RCC1: variants seen among roughly 807,000 people sequenced by gnomAD.
RCC1 encodes regulator of chromosome condensation 1, also known as regulator of chromosome condensation.
In RCC1, 11 loss-of-function variants were observed where a neutral mutation model predicts 44.4. The ratio of observed to expected loss-of-function variants is 0.25; its 90% CI spans 0.16 to 0.41. The LOEUF is 0.41. Ranked by LOEUF, RCC1 falls within the 10% of genes least tolerant of loss-of-function variation. RCC1 has a pLI of 1.00. For missense variants in RCC1, 386 were observed against 547.1 expected, an observed-to-expected ratio of 0.71 and a Z score of 2.94; for synonymous variants, 213 against 216.5, an observed-to-expected ratio of 0.98 and a Z score of 0.14.
At chr1:28,523,248 T>C (rs938875552) in intron 4 of RCC1, among the ~76,000 whole-genome samples, 1 of 151,986 alleles carries the variant, frequency 6.6e-6, no homozygotes, top group Non-Finnish European at 1.5e-5. Context: ...CTCGATCTCC[T>C]GACCTCATGA....
Position 28,524,562 on chromosome 1 carries a change from AAAAT to A in RCC1, c.-9-5292_-9-5289del, listed in dbSNP as rs1663521670. The stretch of plus-strand genomic sequence containing the variant: ...ACAGAGTGAGACCCCCTCTCTTAAA[AAAAT>A]AAAATAAAAGGCCAGGCATGGTGGC... On this transcript the variant is annotated intron_variant, in intron 4 of 12. Transcript: ENST00000683442. 3.3e-5 allele frequency among the ~76,000 whole-genome samples: 5 copies of A among 151,966 alleles called. No homozygotes were observed. The South Asian group carries it at 1.1e-3, about 33-fold the overall frequency.
At chr1:28,511,445 G>A (rs1357164233) in intron 3 of RCC1, among the ~76,000 whole-genome samples, 3 of 149,946 alleles carry the variant, frequency 2.0e-5, no homozygotes, top group Non-Finnish European at 4.4e-5. Flanking sequence ...CTGTCGCCCA[G>A]GCTGGAGTGC....
Position 28,536,188 on chromosome 1 carries a change from T to C in RCC1, c.818-74T>C. ...GTCCATATCCTGATGGGAGGTGGCC[T>C]CACTGTGGGAGGAGATTGAGAAGGG... is the stretch of plus-strand genomic sequence containing the variant. On this transcript the variant is annotated intron_variant, in intron 10 of 12. Coordinates refer to ENST00000683442, the MANE Select transcript of RCC1 (RefSeq NM_001381865.2). This position sits in a 1 kb window ranked among gnomAD's most constrained non-coding sequence, Gnocchi z 4.9. 3.8e-6 allele frequency: 6 copies of C among 1,581,372 alleles called. No individual in the cohort carries two copies. Among genetic ancestry groups the C allele is most frequent in the Non-Finnish European group, 5.2e-6 (6 of 1,163,868 alleles).
intron 3 of RCC1, among the ~76,000 whole-genome samples, 152 bp from the exon 4 acceptor site, chr1:28,516,573 C>T (rs1662909353): frequency 6.6e-6 from 1 of 151,898 alleles, no homozygotes; most frequent in Non-Finnish European, 1.5e-5. Context: ...CTTGCTTTAC[C>T]TCTTTAAACT....
chr1:28,536,916 A>C lies in RCC1; in HGVS notation c.1090+17A>C. 6.2e-7 allele frequency: 1 copy of C among 1,612,656 alleles called. No homozygotes were observed. The highest frequency in any genetic ancestry group is 8.5e-7 in the Non-Finnish European group (1 of 1,179,702). On this transcript the variant is annotated intron_variant, in intron 12 of 12. Coordinates refer to ENST00000683442, the MANE Select transcript of RCC1 (RefSeq NM_001381865.2). This position sits in a 1 kb window ranked among gnomAD's most constrained non-coding sequence, Gnocchi z 4.9. ...CCAAGGATGGTGAGTGGGGCTGCCT[A>C]CACTCTGTCTAGTTGGGACCTGGGG...
Position 28,536,770 on chromosome 1 carries a change from G to C in RCC1, c.961G>C (p.Ala321Pro), listed in dbSNP as rs940419922. The change falls in exon 12 of 13, where the codon GCT (alanine) becomes CCT (proline). Residue 321 changes from alanine (A) to proline (P), a missense_variant. Physicochemically the swap from Ala to Pro is conservative, Grantham distance 27. Coordinates refer to ENST00000683442, the MANE Select transcript of RCC1 (RefSeq NM_001381865.2). The surrounding 1 kb of genome is among the most constrained non-coding windows in gnomAD (Gnocchi z 4.9). ...AGGAAAAGCATACAGCCTGGGCCGGGCTGAGTATGGGCGGCTGGGCCTTGG... is the reference window on the plus strand; with the variant it reads ...AGGAAAAGCATACAGCCTGGGCCGGCCTGAGTATGGGCGGCTGGGCCTTGG... ...SEGKAYSLGRAEYGRLGLGEG... is the reference protein window; with the variant it reads ...SEGKAYSLGRPEYGRLGLGEG... 2 of 1,614,018 alleles carry C rather than the reference G, an allele frequency of 1.2e-6. No homozygotes were observed. Among genetic ancestry groups the C allele is most frequent in the Non-Finnish European group, 1.7e-6 (2 of 1,180,038 alleles).
rs554303773 is a variant in RCC1, at chr1:28,537,563, G to A, written c.1091-269G>A. 1.1e-4 allele frequency among the ~76,000 whole-genome samples: 17 copies of A among 152,340 alleles called. No homozygotes were observed. The South Asian group carries it at 2.7e-3, about 24-fold the overall frequency. On this transcript the variant is annotated intron_variant, in intron 12 of 12. Transcript: ENST00000683442. ...GCAGTCTCAAAGGTGGCTGGTCCTG[G>A]GAACAGAGGGTGGGGTAGGACCTTG...
chr1:28,531,875 G>A lies in RCC1; in HGVS notation c.146G>A (p.Gly49Glu), dbSNP rs1191394720. ...TLGQGDVGQL[G>E]LGENVMERKK... ...GGCCAGGGCGACGTGGGCCAGCTGGGGCTGGGTGAGAATGTGATGGAGAGG... is the reference window on the plus strand; with the variant it reads ...GGCCAGGGCGACGTGGGCCAGCTGGAGCTGGGTGAGAATGTGATGGAGAGG... Residue 49 changes from glycine to glutamate, a missense_variant, in exon 6 of 13, where the codon GGG (glycine) becomes GAG (glutamate). Transcript: ENST00000683442. 6.2e-7 allele frequency: 1 copy of A among 1,605,436 alleles called. No individual in the cohort carries two copies. Among genetic ancestry groups the A allele is most frequent in the Admixed American group, 1.7e-5 (1 of 58,652 alleles).
intron 12 of RCC1, 124 bp downstream of exon 12, chr1:28,537,023 T>C: frequency 9.8e-7 from 1 of 1,022,370 alleles, no homozygotes; most frequent in East Asian, 2.4e-5. Flanking sequence ...GTGTTTGTGA[T>C]GGCACTTTGT....
intron 3 of RCC1, among the ~76,000 whole-genome samples, chr1:28,511,411 T>G (rs1037235393): frequency 3.7e-4 from 53 of 145,036 alleles, no homozygotes; most frequent in Admixed American, 1.9e-3. Context: ...TTGTTTTTTT[T>G]TTTTTTTGAG....
At chr1:28,507,216 T>C (rs1278000395) in intron 1 of RCC1, 1 of 404,576 alleles carries the variant, frequency 2.5e-6, no homozygotes, top group Non-Finnish European at 4.9e-6. Flanking sequence ...TGAATATGCA[T>C]GTTACCAGTC....
intron 7 of RCC1, among the ~76,000 whole-genome samples, chr1:28,534,730 A>C: frequency 6.6e-6 from 1 of 152,130 alleles, no homozygotes; most frequent in Non-Finnish European, 1.5e-5. Flanking sequence ...ACCTGGGCCT[A>C]CCAAAGTGCT....
intron 7 of RCC1, chr1:28,532,796 TTTGTTG>T (rs570603145): frequency 6.3e-5 from 28 of 443,468 alleles, no homozygotes; most frequent in Non-Finnish European, 1.1e-4. Context: ...ATTGTGGGTT[TTTGTTG>T]TTGTTGTTGT....
At chr1:28,516,488 T>C (rs552813355) in intron 3 of RCC1, among the ~76,000 whole-genome samples, 21 of 137,280 alleles carry the variant, frequency 1.5e-4, no homozygotes, top group Middle Eastern at 7.5e-3. Context: ...GGCAACAGAG[T>C]GAGACCCCAT....
At chr1:28,530,581 CG>C in intron 5 of RCC1, 1 of 1,605,698 alleles carries the variant, frequency 6.2e-7, no homozygotes, top group Non-Finnish European at 8.5e-7. Flanking sequence ...AAGGTGCCTG[CG>C]GGCCGAGCCC....
At chr1:28,511,487 G>A (rs1662537552) in intron 3 of RCC1, among the ~76,000 whole-genome samples, 1 of 151,002 alleles carries the variant, frequency 6.6e-6, no homozygotes. Context: ...TGCAAGCTCA[G>A]CCTCCCCAGC....
chr1:28,514,464 A>AGTGTATACATGTTTC (rs1164323566), intron 3 of RCC1, among the ~76,000 whole-genome samples: 1 of 148,780 alleles, frequency 6.7e-6, no homozygotes. Context: ...AAAAAACAAA[A>AGTGTATACATGTTTC]AAAAAACCTT....
intron 1 of RCC1, 117 bp downstream of exon 1, chr1:28,506,201 CTTTT>C (rs56695711): frequency 1.3e-4 from 54 of 400,692 alleles, no homozygotes; most frequent in Middle Eastern, 5.6e-4. Flanking sequence ...TATTTATTTA[CTTTT>C]TTTTTTTTTT....
chr1:28,507,154 G>C (rs1380917584), intron 1 of RCC1: 2 of 293,194 alleles, frequency 6.8e-6, no homozygotes, highest in Admixed American at 4.4e-5. Flanking sequence ...CTTTGCTTCT[G>C]CGGTACCTTC....
Sources: allele counts gnomAD v4.1 joint callset (sites outside exome capture counted in the v4.1 genomes callset), GRCh38; gene constraint gnomAD v4.1.1; non-coding constraint Gnocchi (gnomAD v3.1); transcripts MANE v1.5; gene names NCBI Gene and HGNC (gene_info 2026-07-23, HGNC 2026-07-21).